Variants in ETF1 observed in about 807,000 individuals in gnomAD.
The protein encoded by ETF1 is eukaryotic peptide chain release factor subunit 1.
In ETF1, 4 loss-of-function variants were observed where a neutral mutation model predicts 55.1. That is an observed-to-expected ratio of 0.07 (90% CI 0.04 to 0.17). The LOEUF is 0.17. Ranked by LOEUF, ETF1 falls within the 10% of genes least tolerant of loss-of-function variation. ETF1 has a pLI of 1.00. For synonymous variants in ETF1, 157 were observed against 182.3 expected (o/e 0.86, Z 1.12); for missense variants, 142 against 523.6 (o/e 0.27, Z 7.11).
intron 2 of ETF1, 113 bp downstream of exon 2, chr5:138,542,720 G>T: frequency 6.5e-7 from 1 of 1,528,880 alleles, no homozygotes; most frequent in South Asian, 1.2e-5. Context: ...GATCCAGAAG[G>T]CGGGAGTTGG....
chr5:138,512,632 T>C (rs1764865922), intron 6 of ETF1, 132 bp downstream of exon 6: 2 of 662,692 alleles, frequency 3.0e-6, no homozygotes, highest in Non-Finnish European at 4.8e-6. Flanking sequence ...TCTGTAAACC[T>C]GCTGTTTAAC....
chr5:138,513,297 T>A lies in ETF1; in HGVS notation c.541+271A>T, dbSNP rs1342317412. 7 of 791,802 alleles carry A rather than the reference T, an allele frequency of 8.8e-6. No homozygotes were observed. In the Admixed American group the frequency reaches 1.9e-4, roughly 21 times the overall value. 49.0% of individuals were successfully genotyped at this position (791,802 alleles called of 1,614,324 possible). A position where few individuals can be genotyped will look rare whatever the true frequency, so the allele number is the denominator to read the frequency against. ...CCCAGACTGGAGTGCAGTGGCGCAA[T>A]CTTGGCTCAATGCAACCTCCGTCTC... On this transcript the variant is annotated intron_variant, in intron 5 of 10. Coordinates refer to ENST00000360541, the MANE Select transcript of ETF1 (RefSeq NM_004730.4).
At chr5:138,519,071 TTTGA>T (rs1335480964) in intron 2 of ETF1, 1 of 984,734 alleles carries the variant, frequency 1.0e-6, no homozygotes, top group Non-Finnish European at 1.2e-6. Flanking sequence ...TAGTGCTCAA[TTTGA>T]TTGAATAGTG....
intron 2 of ETF1, among the ~76,000 whole-genome samples, chr5:138,528,066 C>T (rs930670256): frequency 6.6e-6 from 1 of 152,162 alleles, no homozygotes; most frequent in Non-Finnish European, 1.5e-5. Flanking sequence ...GCCACCATGC[C>T]CGGCTGGAAG....
Position 138,542,954 on chromosome 5 carries a change from G to C in ETF1, c.-18-18C>G. 3 of 1,610,386 alleles carry C rather than the reference G, an allele frequency of 1.9e-6. No individual in the cohort carries two copies. Among genetic ancestry groups the C allele is most frequent in the Non-Finnish European group, 2.5e-6 (3 of 1,178,346 alleles). On this transcript the variant is annotated intron_variant, in intron 1 of 10. Transcript: ENST00000360541. ...CCTCCTCCCTAGAGCGGCCCGGCGGGGCCCGGAGACACCAAGACCACAGAG... is the reference window on the plus strand; with the variant it reads ...CCTCCTCCCTAGAGCGGCCCGGCGGCGCCCGGAGACACCAAGACCACAGAG...
intron 2 of ETF1, among the ~76,000 whole-genome samples, chr5:138,534,266 G>C (rs1765823130): frequency 6.6e-6 from 1 of 152,190 alleles, no homozygotes; most frequent in South Asian, 2.1e-4. Context: ...ACATCTGGTA[G>C]AGTGTGTACA....
intron 2 of ETF1, among the ~76,000 whole-genome samples, chr5:138,533,224 G>A (rs996614365): frequency 5.9e-5 from 9 of 151,656 alleles, no homozygotes; most frequent in Non-Finnish European, 1.0e-4. Context: ...GTGAGCCACC[G>A]GGCCCAGCCC....
At chr5:138,513,810 C>G in intron 4 of ETF1, 104 bp from the exon 5 acceptor site, 1 of 1,291,346 alleles carries the variant, frequency 7.7e-7, no homozygotes, top group Non-Finnish European at 1.0e-6. Flanking sequence ...ACTCACCATG[C>G]TATTAGCACT....
In ETF1 at chr5:138,530,497, C is replaced by T. The variant is rs540724193; in HGVS notation, c.87-11630G>A. On this transcript the variant is annotated intron_variant, in intron 2 of 10. Coordinates refer to ENST00000360541, the MANE Select transcript of ETF1 (RefSeq NM_004730.4). ...TTTGCCATGTTGGCCAGGCTGGTCTCGAACCCCTGATCTCAAATTATCCAC... is the reference window on the plus strand; with the variant it reads ...TTTGCCATGTTGGCCAGGCTGGTCTTGAACCCCTGATCTCAAATTATCCAC... 2.4e-4 allele frequency among the ~76,000 whole-genome samples: 37 copies of T among 152,066 alleles called. 1 individual carries two copies. In the South Asian group the frequency reaches 7.1e-3, roughly 29 times the overall value.
At position 138,510,570 on chromosome 5, in the gene ETF1, T is replaced by C; in HGVS notation, c.1078A>G (p.Lys360Glu). The change falls in exon 9 of 11, where the codon AAA (lysine) becomes GAA (glutamate). Residue 360 changes from lysine to glutamate, a missense_variant. Physicochemically the swap from Lys to Glu is moderately conservative, Grantham distance 56. Transcript: ENST00000360541. ...CCAAGAAAATAATCACATACCTCTT[T>C]GTCTGTGAAATGAGATTTATCCTTT... The part of the protein sequence containing the change: ...QEKDKSHFTD[K>E]ETGQEHELIE... The C allele has an allele frequency of 6.2e-7, 1 of 1,605,784 alleles. No individual in the cohort carries two copies. Among genetic ancestry groups the C allele is most frequent in the Non-Finnish European group, 8.5e-7 (1 of 1,172,444 alleles).
chr5:138,536,792 T>A (rs1159095734), intron 2 of ETF1, among the ~76,000 whole-genome samples: 2 of 152,052 alleles, frequency 1.3e-5, no homozygotes, highest in Non-Finnish European at 2.9e-5. Context: ...TGAAGTACCA[T>A]CCCAGGACAG....
chr5:138,520,789 A>C (rs1765202317), intron 2 of ETF1, among the ~76,000 whole-genome samples: 1 of 152,230 alleles, frequency 6.6e-6, no homozygotes, highest in Non-Finnish European at 1.5e-5. Context: ...ACTGCACTCC[A>C]GCCTGGGCAA....
rs528777976 is a variant in ETF1 at position 138,543,179 on chromosome 5, G to A, written c.-101C>T. 19 of 565,866 alleles carry A rather than the reference G, an allele frequency of 3.4e-5. No individual in the cohort carries two copies. Among genetic ancestry groups the A allele is most frequent in the African/African-American group, 7.7e-5 (4 of 51,744 alleles). The allele number at this position is 565,866 out of a possible 1,614,324, so 35.1% of individuals were successfully genotyped here. ...GGCGGCGGCTCTGACGTAGGACACC[G>A]GCTCCCTCTCTCCAGGCAGCTGCAT... is the stretch of plus-strand genomic sequence containing the variant. On this transcript the variant is annotated 5_prime_UTR_variant, in exon 1 of 11. Coordinates refer to ENST00000360541, the MANE Select transcript of ETF1 (RefSeq NM_004730.4).
rs534785009 is a variant in ETF1 at position 138,512,816 on chromosome 5, G to C, written c.680C>G (p.Ala227Gly). ...TTCAGTTTTAAAGTCAGCGGATCCA[G>C]CTAAAACTAGACCAGCCACATTCAC... ...DKVNVAGLVLAGSADFKTELS... is the reference protein window; with the variant it reads ...DKVNVAGLVLGGSADFKTELS... The change falls in exon 6 of 11, where the codon GCT becomes GGT. Residue 227 changes from alanine (A) to glycine (G), a missense_variant. Physicochemically the swap from Ala to Gly is moderately conservative, Grantham distance 60. Transcript: ENST00000360541. The C allele has an allele frequency of 6.2e-7, 1 of 1,602,086 alleles. No individual in the cohort carries two copies. The highest frequency in any genetic ancestry group is 1.8e-5 in the Admixed American group (1 of 56,982).
chr5:138,523,050 A>C (rs945354360), intron 2 of ETF1, among the ~76,000 whole-genome samples: 4 of 151,908 alleles, frequency 2.6e-5, no homozygotes, highest in African/African-American at 9.7e-5. Context: ...CTTACACTAC[A>C]TCAAGTAAAA....
intron 2 of ETF1, among the ~76,000 whole-genome samples, chr5:138,541,889 A>G (rs80010430): frequency 1.3e-5 from 2 of 152,242 alleles, no homozygotes; most frequent in South Asian, 4.2e-4. Flanking sequence ...TTAAAAAAAA[A>G]AGAAAACACA....
At chr5:138,536,694 G>A (rs1311596039) in intron 2 of ETF1, among the ~76,000 whole-genome samples, 3 of 152,178 alleles carry the variant, frequency 2.0e-5, no homozygotes, top group Admixed American at 6.5e-5. Flanking sequence ...CCAGCAGTGG[G>A]AAGGCAAATT....
At chr5:138,514,390 C>T (rs1764932518) in intron 4 of ETF1, among the ~76,000 whole-genome samples, 1 of 151,866 alleles carries the variant, frequency 6.6e-6, no homozygotes, top group Non-Finnish European at 1.5e-5. Context: ...ACTGTCTCTA[C>T]AAAAAAATAC....
chr5:138,535,258 C>CT (rs1360966820), intron 2 of ETF1, among the ~76,000 whole-genome samples: 3 of 151,834 alleles, frequency 2.0e-5, no homozygotes, highest in African/African-American at 7.3e-5. Context: ...CCAATGTTAC[C>CT]TTTTTTAAAG....
Sources: gnomAD v4.1 joint callset for allele counts (sites outside exome capture counted in the v4.1 genomes callset) on GRCh38, gnomAD v4.1.1 for gene constraint, MANE v1.5 for transcripts, NCBI Gene and HGNC (gene_info 2026-07-23, HGNC 2026-07-21) for gene names.